KCNIP4: variants seen among roughly 807,000 people sequenced by gnomAD.
KCNIP4 encodes Kv channel-interacting protein 4.
A neutral mutation model predicts 34.0 loss-of-function variants in KCNIP4; 12 were observed. That is an observed-to-expected ratio of 0.35 (90% CI 0.23 to 0.57). The LOEUF (loss-of-function observed/expected upper bound fraction) is 0.57, where lower values mean the gene tolerates loss of function less well. KCNIP4 is among the 20% of genes least tolerant of loss of function. The pLI is 0.83. For synonymous variants in KCNIP4, 124 were observed against 102.2 expected, an observed-to-expected ratio of 1.21 and a Z score of -1.29; for missense variants, 238 against 311.7, an observed-to-expected ratio of 0.76 and a Z score of 1.78.
rs530896814 is a variant in KCNIP4 at position 21,417,276 on chromosome 4, T to G, written c.61+531295A>C. On this transcript the variant is annotated intron_variant, in intron 1 of 8. Transcript: ENST00000382152. ...TGTTGGAAAATTATGTTTCTTGAGG[T>G]GTGTGTGTGTGTGTGTGTCTGTTTG... Among the ~76,000 whole-genome samples the G allele has an allele frequency of 9.3e-5, 14 of 150,466 alleles. No individual in the cohort carries two copies. The South Asian group carries it at 2.5e-3, about 27-fold the overall frequency.
intron 1 of KCNIP4, among the ~76,000 whole-genome samples, chr4:21,607,794 G>T (rs1220275179): frequency 6.6e-6 from 1 of 152,022 alleles, no homozygotes; most frequent in African/African-American, 2.4e-5. Context: ...CTTTCTCACA[G>T]GTCACAGAAA....
intron 1 of KCNIP4, among the ~76,000 whole-genome samples, chr4:21,253,349 A>G (rs771102023): frequency 2.6e-5 from 4 of 152,216 alleles, no homozygotes; most frequent in Non-Finnish European, 5.9e-5. Flanking sequence ...ATTGCTAGAA[A>G]GTAATCTTCT....
At chr4:21,112,791 A>G (rs1294898479) in intron 1 of KCNIP4, among the ~76,000 whole-genome samples, 2 of 152,172 alleles carry the variant, frequency 1.3e-5, no homozygotes, top group Non-Finnish European at 2.9e-5. Flanking sequence ...AATTGATTAG[A>G]AAAACAGAAA....
chr4:21,621,355 G>A (rs1265291915), intron 1 of KCNIP4, among the ~76,000 whole-genome samples: 1 of 152,066 alleles, frequency 6.6e-6, no homozygotes. Flanking sequence ...TCATAATTTT[G>A]CCATCTTATT....
chr4:20,953,429 T>C (rs1305030318), intron 1 of KCNIP4, among the ~76,000 whole-genome samples: 1 of 152,166 alleles, frequency 6.6e-6, no homozygotes, highest in Non-Finnish European at 1.5e-5. Flanking sequence ...CCCAGCACTT[T>C]GGTATAAGCC....
chr4:21,658,560 G>A (rs1748157842), intron 1 of KCNIP4, among the ~76,000 whole-genome samples: 1 of 151,936 alleles, frequency 6.6e-6, no homozygotes, highest in African/African-American at 2.4e-5. Context: ...AGATTACCAG[G>A]CCTGGCTAAT....
At chr4:21,428,947 C>T (rs934889965) in intron 1 of KCNIP4, among the ~76,000 whole-genome samples, 3 of 152,144 alleles carry the variant, frequency 2.0e-5, no homozygotes, top group Non-Finnish European at 4.4e-5. Context: ...CAATGGTATA[C>T]TGGTTACAAT....
At chr4:21,033,727 T>G (rs1741202614) in intron 1 of KCNIP4, among the ~76,000 whole-genome samples, 2 of 152,188 alleles carry the variant, frequency 1.3e-5, no homozygotes, top group Admixed American at 6.5e-5. Context: ...TATAAAGTCT[T>G]CTATAAAAAG....
intron 1 of KCNIP4, among the ~76,000 whole-genome samples, chr4:21,087,105 G>A (rs553871826): frequency 1.9e-4 from 27 of 140,486 alleles, no homozygotes; most frequent in African/African-American, 5.1e-4. Context: ...TTGGCCTCCC[G>A]AGTAGCTGGC....
intron 1 of KCNIP4, among the ~76,000 whole-genome samples, chr4:21,025,543 GTTTTTTTTTTTTTTT>G (rs772689134): frequency 8.6e-5 from 3 of 34,786 alleles, no homozygotes; most frequent in Admixed American, 5.9e-4. Context: ...CATTGATACT[GTTTTTTTTTTTTTTT>G]TTTTTTTTTT....
intron 1 of KCNIP4, among the ~76,000 whole-genome samples, chr4:21,111,084 GA>G (rs1749124187): frequency 6.6e-6 from 1 of 152,118 alleles, no homozygotes; most frequent in South Asian, 2.1e-4. Flanking sequence ...GTTTTCCTTT[GA>G]AAAGAGGTCT....
intron 1 of KCNIP4, among the ~76,000 whole-genome samples, chr4:21,722,791 T>TATTACGTTCTGCTCTTTCCAC (rs1417325834): frequency 1.3e-5 from 2 of 152,268 alleles, no homozygotes; most frequent in Non-Finnish European, 2.9e-5. Context: ...TTACTGTGCA[T>TATTACGTTCTGCTCTTTCCAC]ATTACGTTCT....
intron 1 of KCNIP4, among the ~76,000 whole-genome samples, chr4:20,911,211 T>C (rs892893962): frequency 6.6e-6 from 1 of 152,204 alleles, no homozygotes; most frequent in Admixed American, 6.5e-5. Context: ...TACTCTTGTT[T>C]GTAGAAATGA....
At chr4:21,109,586 C>A (rs1033452478) in intron 1 of KCNIP4, among the ~76,000 whole-genome samples, 3 of 152,230 alleles carry the variant, frequency 2.0e-5, no homozygotes, top group Admixed American at 6.5e-5. Flanking sequence ...TGCTTTGGCT[C>A]GCGCATGGTG....
intron 1 of KCNIP4, among the ~76,000 whole-genome samples, chr4:21,777,613 T>C (rs1719268347): frequency 6.6e-6 from 1 of 152,174 alleles, no homozygotes; most frequent in Admixed American, 6.5e-5. Context: ...CAGAATTACA[T>C]ATAAAGAGAG....
intron 3 of KCNIP4, among the ~76,000 whole-genome samples, chr4:20,827,785 A>G (rs1417641561): frequency 6.8e-6 from 1 of 146,712 alleles, no homozygotes; most frequent in Non-Finnish European, 1.5e-5. Flanking sequence ...TAGAATTCAC[A>G]AAACAAAATT....
chr4:21,425,556 C>A (rs1379398922), intron 1 of KCNIP4, among the ~76,000 whole-genome samples: 1 of 151,892 alleles, frequency 6.6e-6, no homozygotes, highest in African/African-American at 2.4e-5. Context: ...AATGAATATG[C>A]AAATTTTTGG....
intron 1 of KCNIP4, among the ~76,000 whole-genome samples, chr4:21,287,064 A>G (rs1246287244): frequency 2.0e-5 from 3 of 152,120 alleles, no homozygotes; most frequent in African/African-American, 7.2e-5. Flanking sequence ...TGTGTCCAAA[A>G]TTTTATGACC....
intron 1 of KCNIP4, chr4:21,850,876 C>T (rs752933909): frequency 1.3e-5 from 2 of 151,840 alleles, no homozygotes; most frequent in Non-Finnish European, 1.5e-5. Context: ...ACCGTGCACT[C>T]AACATTTGTG....
Sources: gnomAD v4.1 joint callset for allele counts (sites outside exome capture counted in the v4.1 genomes callset) on GRCh38, gnomAD v4.1.1 for gene constraint, MANE v1.5 for transcripts, NCBI Gene and HGNC (gene_info 2026-07-23, HGNC 2026-07-21) for gene names.